ZNF722: variants seen among roughly 807,000 people sequenced by gnomAD.
The protein encoded by ZNF722 is zinc finger protein 479 pseudogene.
chr7:64,007,327 G>T, the ZNF722 span, among the ~76,000 whole-genome samples: 2 of 150,816 alleles, frequency 1.3e-5, no homozygotes, highest in Non-Finnish European at 2.9e-5. Context: ...GTGCCATGTT[G>T]GTTTGCTGCA....
chr7:64,013,710 T>A, the ZNF722 span, among the ~76,000 whole-genome samples: 2 of 152,128 alleles, frequency 1.3e-5, no homozygotes, highest in Non-Finnish European at 2.9e-5. Flanking sequence ...TTTATTTTTT[T>A]ATATATGCAT....
chr7:64,016,065 T>A, the ZNF722 span: 1 of 609,550 alleles, frequency 1.6e-6, no homozygotes, highest in Non-Finnish European at 2.7e-6. Flanking sequence ...TGGACAAAAA[T>A]TTTATAAATG....
the ZNF722 span, chr7:64,015,986 CAA>C: frequency 2.0e-6 from 2 of 1,020,656 alleles, no homozygotes; most frequent in South Asian, 3.2e-5. Flanking sequence ...AAAAACACTA[CAA>C]GTGTAGAGAA....
At chr7:64,015,438 T>C in the ZNF722 span, 1 of 1,598,638 alleles carries the variant, frequency 6.3e-7, no homozygotes, top group African/African-American at 1.3e-5. Context: ...CTTTAAACGC[T>C]CCTCAAACTG....
At chr7:64,016,439 T>TA in the ZNF722 span, among the ~76,000 whole-genome samples, 96 of 145,402 alleles carry the variant, frequency 6.6e-4, no homozygotes, top group Middle Eastern at 3.6e-3. Context: ...CTAGAAAGGT[T>TA]AAAAAAAAAA....
the ZNF722 span, among the ~76,000 whole-genome samples, chr7:64,003,369 G>C: frequency 6.6e-6 from 1 of 152,166 alleles, no homozygotes; most frequent in Non-Finnish European, 1.5e-5. Flanking sequence ...TCTGCCGTGG[G>C]TGTGTGTGGC....
the ZNF722 span, among the ~76,000 whole-genome samples, chr7:64,012,168 T>G: frequency 6.6e-6 from 1 of 152,134 alleles, no homozygotes; most frequent in South Asian, 2.1e-4. Flanking sequence ...AGTTAGCCAT[T>G]CATCTAATCT....
At chr7:64,017,639 A>G in the ZNF722 span, among the ~76,000 whole-genome samples, 1 of 152,218 alleles carries the variant, frequency 6.6e-6, no homozygotes, top group Non-Finnish European at 1.5e-5. Context: ...ATGAATGTGA[A>G]AAAACATTTG....
the ZNF722 span, among the ~76,000 whole-genome samples, chr7:64,004,425 A>AAAAAAAAAATATATATATATATAT: frequency 1.6e-5 from 1 of 61,120 alleles, no homozygotes. Flanking sequence ...AAAAAAAAAA[A>AAAAAAAAAATATATATATATATAT]ATATATATAT....
chr7:64,009,863 A>T, the ZNF722 span, among the ~76,000 whole-genome samples: 9 of 152,240 alleles, frequency 5.9e-5, no homozygotes, highest in East Asian at 1.2e-3. Context: ...CTGTGAATCC[A>T]TCTGGTCCTG....
chr7:64,015,681 T>G, the ZNF722 span: 1 of 1,613,850 alleles, frequency 6.2e-7, no homozygotes, highest in Non-Finnish European at 8.5e-7. Context: ...TGGCAAAGCC[T>G]TTAGCGTATC....
the ZNF722 span, among the ~76,000 whole-genome samples, chr7:64,010,184 A>G: frequency 6.6e-6 from 1 of 152,026 alleles, no homozygotes; most frequent in East Asian, 1.9e-4. Context: ...TGATCTGTTC[A>G]AAAAGCCAGC....
the ZNF722 span, among the ~76,000 whole-genome samples, chr7:64,014,290 C>A: frequency 0.019 from 2,859 of 151,950 alleles, 106 homozygotes; most frequent in African/African-American, 0.065. Context: ...TCTCATTGAG[C>A]AAAATACGGA....
the ZNF722 span, chr7:64,015,701 C>T: frequency 6.2e-7 from 1 of 1,612,128 alleles, no homozygotes. Context: ...CCTCAACCCT[C>T]AATGACCACA....
the ZNF722 span, among the ~76,000 whole-genome samples, chr7:64,004,410 TAAA>T: frequency 8.5e-5 from 3 of 35,248 alleles, no homozygotes; most frequent in African/African-American, 3.7e-4. Context: ...CTCTGTCTCT[TAAA>T]AAAAAAAAAA....
At chr7:64,016,134 T>G in the ZNF722 span, 12 of 451,886 alleles carry the variant, frequency 2.7e-5, no homozygotes, top group Non-Finnish European at 4.2e-5. Context: ...CCAAGAGAAT[T>G]TATTTAAAAA....
the ZNF722 span, among the ~76,000 whole-genome samples, chr7:64,013,679 A>G: frequency 6.6e-6 from 1 of 152,122 alleles, no homozygotes. Context: ...TTTCGGCACC[A>G]TCACAATAAT....
the ZNF722 span, among the ~76,000 whole-genome samples, chr7:64,002,142 A>G: frequency 1.3e-5 from 2 of 152,136 alleles, no homozygotes; most frequent in Non-Finnish European, 2.9e-5. Context: ...TGGACTCCCA[A>G]AGTGCTGGGA....
the ZNF722 span, chr7:64,005,761 A>G: frequency 1.6e-4 from 233 of 1,500,544 alleles, no homozygotes; most frequent in Middle Eastern, 7.0e-4. Context: ...TCAATACACA[A>G]TTCCTAATAT....
Sources: allele counts gnomAD v4.1 joint callset (sites outside exome capture counted in the v4.1 genomes callset), GRCh38; gene constraint gnomAD v4.1.1; transcripts MANE v1.5; gene names NCBI Gene and HGNC (gene_info 2026-07-23, HGNC 2026-07-21).